IL10RB: variants seen among roughly 807,000 people sequenced by gnomAD.
The protein encoded by IL10RB is interleukin-10 receptor subunit beta.
In IL10RB, 30 loss-of-function variants were observed where a neutral mutation model predicts 38.7. The observed-to-expected ratio is 0.78, with a 90% CI of 0.58 to 1.05. IL10RB has a LOEUF of 1.05. Ranked by LOEUF, IL10RB falls within the 50% of genes least tolerant of loss-of-function variation. The pLI, the probability that IL10RB is intolerant of heterozygous loss-of-function variation, is 0.00. For missense variants in IL10RB, 328 were observed against 397.1 expected (o/e 0.83, Z 1.48); for synonymous variants, 142 against 145.9 (o/e 0.97, Z 0.19).
At chr21:33,305,531 GT>G (rs1465733145) in intron 1 of IL10RB, among the ~76,000 whole-genome samples, 3 of 152,306 alleles carry the variant, frequency 2.0e-5, no homozygotes, top group Non-Finnish European at 4.4e-5. Context: ...CTCCAACAGA[GT>G]AACTGAGAAA....
At chr21:33,290,004 CT>C (rs1419790061) in intron 6 of IL10RB, among the ~76,000 whole-genome samples, 1 of 152,102 alleles carries the variant, frequency 6.6e-6, no homozygotes, top group Non-Finnish European at 1.5e-5. Flanking sequence ...GTCCCAGCTC[CT>C]CGGGAGGCTG....
intron 2 of IL10RB, among the ~76,000 whole-genome samples, chr21:33,272,907 G>A (rs1404891848): frequency 6.6e-6 from 1 of 152,196 alleles, no homozygotes; most frequent in South Asian, 2.1e-4. Context: ...TTCACTTTCT[G>A]TCATGTTCCC....
chr21:33,268,273 C>T, intron 1 of IL10RB, 121 bp from the exon 2 acceptor site: 1 of 1,565,082 alleles, frequency 6.4e-7, no homozygotes, highest in Non-Finnish European at 8.7e-7. Flanking sequence ...CTCCCTCCCT[C>T]ACCCACGTGG....
chr21:33,279,398 C>T (rs1989238441), intron 3 of IL10RB, among the ~76,000 whole-genome samples: 1 of 151,762 alleles, frequency 6.6e-6, no homozygotes, highest in African/African-American at 2.4e-5. Flanking sequence ...AAAATTCAAG[C>T]CAACAAAAAG....
At chr21:33,274,034 C>T (rs1989127665) in intron 2 of IL10RB, among the ~76,000 whole-genome samples, 1 of 152,170 alleles carries the variant, frequency 6.6e-6, no homozygotes, top group Non-Finnish European at 1.5e-5. Context: ...ATTTTGACCT[C>T]CTCCTATGAA....
intron 1 of IL10RB, chr21:33,268,114 A>C (rs1405924417): frequency 2.2e-5 from 17 of 778,216 alleles, no homozygotes; most frequent in Middle Eastern, 4.2e-4. Flanking sequence ...TCTGAAATCC[A>C]TGTGCCCACC....
downstream of IL10RB, among the ~76,000 whole-genome samples, chr21:33,299,565 C>G (rs1003629061): frequency 1.8e-4 from 28 of 152,156 alleles, no homozygotes; most frequent in African/African-American, 6.8e-4. Flanking sequence ...CCCTAACATA[C>G]CTCCCACACC....
At chr21:33,278,328 T>C (rs1989217078) in intron 3 of IL10RB, among the ~76,000 whole-genome samples, 1 of 152,184 alleles carries the variant, frequency 6.6e-6, no homozygotes, top group South Asian at 2.1e-4. Flanking sequence ...GATGCTAGGA[T>C]GCCTTTCTTC....
chr21:33,282,279 T>C (rs1989294365), intron 4 of IL10RB, among the ~76,000 whole-genome samples: 1 of 152,098 alleles, frequency 6.6e-6, no homozygotes, highest in African/African-American at 2.4e-5. Flanking sequence ...ACACCTGTAA[T>C]CCCAGCACTT....
chr21:33,298,390 G>T (rs916844016), downstream of IL10RB, among the ~76,000 whole-genome samples: 1 of 152,092 alleles, frequency 6.6e-6, no homozygotes, highest in Non-Finnish European at 1.5e-5. Flanking sequence ...GAGGCAGGTG[G>T]ATCACCTGAG....
At chr21:33,282,058 G>A (rs1034166412) in intron 4 of IL10RB, among the ~76,000 whole-genome samples, 5 of 152,180 alleles carry the variant, frequency 3.3e-5, no homozygotes, top group East Asian at 1.9e-4. Flanking sequence ...CTGCAAGCCC[G>A]CCATTTTTTT....
intron 1 of IL10RB, among the ~76,000 whole-genome samples, chr21:33,267,490 T>TTTTTG (rs1555864795): frequency 1.1e-4 from 17 of 148,020 alleles, no homozygotes; most frequent in African/African-American, 3.3e-4. Context: ...CCGTTTTTTT[T>TTTTTG]TTTGTTTGTT....
chr21:33,273,385 C>T lies in IL10RB; in HGVS notation c.174-3211C>T, dbSNP rs558695978. 2.7e-4 allele frequency among the ~76,000 whole-genome samples: 41 copies of T among 152,130 alleles called. No homozygotes were observed. In the Middle Eastern group the frequency reaches 0.02, roughly 76 times the overall value. ...CTGTAGTCCATTAAGTGTGTGATAG[C>T]GTTATGTCTAAAAAAATGTGCACAG... On this transcript the variant is annotated intron_variant, in intron 2 of 6. Coordinates refer to ENST00000290200, the MANE Select transcript of IL10RB (RefSeq NM_000628.5).
At position 33,296,506 on chromosome 21, in the gene IL10RB, G is replaced by C; in HGVS notation, c.*149G>C. The C allele has an allele frequency of 1.3e-6, 1 of 779,686 alleles. No individual in the cohort carries two copies. The highest frequency in any genetic ancestry group is 2.2e-6 in the Non-Finnish European group (1 of 455,214). The allele number at this position is 779,686 out of a possible 1,614,324, so 48.3% of individuals were successfully genotyped here. A position where few individuals can be genotyped will look rare whatever the true frequency, so the allele number is the denominator to read the frequency against. The stretch of plus-strand genomic sequence containing the variant: ...TCCCAGACCCTGGACTTAGCCACCA[G>C]AGAGCTACATTTTAAAGGCTGTCTT... On this transcript the variant is annotated 3_prime_UTR_variant, in exon 7 of 7. Transcript: ENST00000290200.
intron 2 of IL10RB, among the ~76,000 whole-genome samples, chr21:33,274,702 T>C (rs1989138650): frequency 6.6e-6 from 1 of 152,242 alleles, no homozygotes; most frequent in Non-Finnish European, 1.5e-5. Context: ...AAATATTCAG[T>C]AAACCATGCT....
chr21:33,272,143 C>G (rs8178458), intron 2 of IL10RB, among the ~76,000 whole-genome samples: 3 of 152,104 alleles, frequency 2.0e-5, no homozygotes, highest in Non-Finnish European at 4.4e-5. Flanking sequence ...ATAGCATGAT[C>G]CCAATGATCT....
At chr21:33,284,313 G>T (rs8178507) in intron 5 of IL10RB, among the ~76,000 whole-genome samples, 1 of 78,804 alleles carries the variant, frequency 1.3e-5, no homozygotes, top group Non-Finnish European at 3.0e-5. Flanking sequence ...AAAAAAAAAA[G>T]AAAAGAAAAC....
At chr21:33,287,071 A>G (rs1032066801) in intron 5 of IL10RB, among the ~76,000 whole-genome samples, 2 of 152,084 alleles carry the variant, frequency 1.3e-5, no homozygotes. Flanking sequence ...TGATGATTTC[A>G]AAAGAATGGC....
chr21:33,273,792 C>A (rs550044290), intron 2 of IL10RB, among the ~76,000 whole-genome samples: 1 of 152,224 alleles, frequency 6.6e-6, no homozygotes, highest in African/African-American at 2.4e-5. Context: ...GGAATAAATT[C>A]CATCTCAAGA....
Sources: allele counts gnomAD v4.1 joint callset (sites outside exome capture counted in the v4.1 genomes callset), GRCh38; gene constraint gnomAD v4.1.1; transcripts MANE v1.5; gene names NCBI Gene and HGNC (gene_info 2026-07-23, HGNC 2026-07-21).